PPP6C: variants seen among roughly 807,000 people sequenced by gnomAD.
The protein encoded by PPP6C is protein phosphatase 6 catalytic subunit, also known as serine/threonine-protein phosphatase 6 catalytic subunit.
Under a neutral mutation model 39.8 loss-of-function variants are expected in PPP6C, and 11 were observed. That is an observed-to-expected ratio of 0.28 (90% confidence interval 0.17 to 0.46). PPP6C has a LOEUF of 0.46. Ranked by LOEUF, PPP6C falls within the 20% of genes least tolerant of loss-of-function variation. The probability of loss-of-function intolerance (pLI) is 1.00; values close to 1 mark genes in which losing one functional copy is unlikely to be tolerated. For missense variants in PPP6C, 211 were observed against 373.9 expected, an observed-to-expected ratio of 0.56 and a Z score of 3.59; for synonymous variants, 129 against 130.3, an observed-to-expected ratio of 0.99 and a Z score of 0.07.
intron 2 of PPP6C, 58 bp from the exon 3 acceptor site, chr9:125,160,964 A>C: frequency 8.1e-7 from 1 of 1,227,876 alleles, no homozygotes; most frequent in Non-Finnish European, 1.1e-6. Flanking sequence ...GCAAAGCAAC[A>C]AAACTGAGAG....
At chr9:125,181,324 T>C (rs928618180) in intron 1 of PPP6C, among the ~76,000 whole-genome samples, 1 of 152,072 alleles carries the variant, frequency 6.6e-6, no homozygotes. Flanking sequence ...TTTTTTGTGT[T>C]CTGTTTTCTA....
At chr9:125,164,770 G>A (rs528060776) in intron 2 of PPP6C, among the ~76,000 whole-genome samples, 4 of 151,762 alleles carry the variant, frequency 2.6e-5, no homozygotes, top group Admixed American at 1.3e-4. Context: ...ACGGAGTCTC[G>A]CTCTGTCACC....
At chr9:125,151,628 AC>A in intron 6 of PPP6C, 1 of 669,990 alleles carries the variant, frequency 1.5e-6, no homozygotes. Flanking sequence ...AATAAAATCC[AC>A]CCCACCCCTT....
intron 2 of PPP6C, among the ~76,000 whole-genome samples, chr9:125,164,216 CTCTTTTT>C (rs1828961504): frequency 8.4e-6 from 1 of 119,708 alleles, no homozygotes; most frequent in Non-Finnish European, 1.8e-5. Context: ...CTCCCTCACT[CTCTTTTT>C]TTTTTTTTTT....
chr9:125,177,433 G>A (rs898425975), intron 1 of PPP6C, among the ~76,000 whole-genome samples: 1 of 151,238 alleles, frequency 6.6e-6, no homozygotes, highest in Non-Finnish European at 1.5e-5. Flanking sequence ...ACAGTGGCTC[G>A]CGCCTGTAAT....
chr9:125,180,872 A>G (rs188273362), intron 1 of PPP6C, among the ~76,000 whole-genome samples: 9 of 152,334 alleles, frequency 5.9e-5, no homozygotes, highest in Admixed American at 5.9e-4. Flanking sequence ...ACTGAAGAAC[A>G]TCGCTGTGAA....
Position 125,158,238 on chromosome 9 carries a change from T to C in PPP6C, c.379+3A>G. ...TCAGAATCAGAGAAATAGGAATTCT[T>C]ACCATAAAATCCATAGACCTGTGTT... On this transcript the variant is annotated splice_donor_region_variant and intron_variant, in intron 4 of 6. Transcript: ENST00000373547. The C allele has an allele frequency of 6.3e-7, 1 of 1,595,794 alleles. No individual in the cohort carries two copies. The highest frequency in any genetic ancestry group is 8.6e-7 in the Non-Finnish European group (1 of 1,168,620).
intron 6 of PPP6C, among the ~76,000 whole-genome samples, 160 bp downstream of exon 6, chr9:125,153,373 A>C (rs539053239): frequency 6.6e-6 from 1 of 152,330 alleles, no homozygotes; most frequent in Non-Finnish European, 1.5e-5. Context: ...TTTAACCATT[A>C]AAGAAAGACA....
At chr9:125,162,199 T>C (rs1828892230) in intron 2 of PPP6C, among the ~76,000 whole-genome samples, 3 of 152,016 alleles carry the variant, frequency 2.0e-5, no homozygotes, top group Non-Finnish European at 4.4e-5. Context: ...AGCTCACGCC[T>C]GTAATCCCAG....
At chr9:125,168,399 T>C (rs1829070963) in intron 2 of PPP6C, among the ~76,000 whole-genome samples, 3 of 152,232 alleles carry the variant, frequency 2.0e-5, no homozygotes, top group African/African-American at 4.8e-5. Flanking sequence ...TTTTACATTG[T>C]ATTTAATCAG....
chr9:125,182,041 C>A (rs377261889), intron 1 of PPP6C, among the ~76,000 whole-genome samples: 13 of 152,298 alleles, frequency 8.5e-5, no homozygotes, highest in South Asian at 2.1e-4. Context: ...ATTTGCATTT[C>A]TTTAATGACC....
At chr9:125,174,925 C>G (rs1829264291) in intron 1 of PPP6C, among the ~76,000 whole-genome samples, 1 of 149,024 alleles carries the variant, frequency 6.7e-6, no homozygotes, top group Non-Finnish European at 1.5e-5. Context: ...AAAAGAAAAA[C>G]AGGCCAGGTG....
intron 1 of PPP6C, among the ~76,000 whole-genome samples, chr9:125,181,865 G>A (rs1768639395): frequency 6.6e-6 from 1 of 152,168 alleles, no homozygotes; most frequent in Non-Finnish European, 1.5e-5. Flanking sequence ...CTAGATCCTT[G>A]AGGAATCGCT....
At chr9:125,174,396 G>C (rs1349971560) in intron 1 of PPP6C, among the ~76,000 whole-genome samples, 1 of 152,076 alleles carries the variant, frequency 6.6e-6, no homozygotes, top group African/African-American at 2.4e-5. Flanking sequence ...CAAAAAATCA[G>C]AAAACTTCAA....
In PPP6C at chr9:125,182,327, A is replaced by T. The variant is rs75640750; in HGVS notation, c.75+7317T>A. 8.9e-4 allele frequency among the ~76,000 whole-genome samples: 135 copies of T among 152,210 alleles called. 3 individuals are homozygous for T. The East Asian group carries it at 0.025, about 28-fold the overall frequency. On this transcript the variant is annotated intron_variant, in intron 1 of 6. Transcript: ENST00000373547. ...CTACTTTTACATACTGGTATTTATAAAACACTCTTAGCTTTAAAAAAAAAG... is the reference window on the plus strand; with the variant it reads ...CTACTTTTACATACTGGTATTTATATAACACTCTTAGCTTTAAAAAAAAAG...
intron 1 of PPP6C, chr9:125,188,969 G>A (rs764720443): frequency 1.0e-5 from 16 of 1,538,638 alleles, no homozygotes; most frequent in Admixed American, 2.0e-5. Context: ...AGGGGTTAAG[G>A]AGAAAGTATT....
intron 6 of PPP6C, chr9:125,151,627 C>T (rs1303325133): frequency 4.5e-6 from 3 of 671,700 alleles, no homozygotes; most frequent in South Asian, 1.4e-5. Context: ...GAATAAAATC[C>T]ACCCCACCCC....
intron 1 of PPP6C, among the ~76,000 whole-genome samples, chr9:125,174,384 T>C (rs1261145489): frequency 6.6e-6 from 1 of 152,044 alleles, no homozygotes; most frequent in Non-Finnish European, 1.5e-5. Context: ...CTAAACATTA[T>C]ACAAAAAATC....
intron 1 of PPP6C, among the ~76,000 whole-genome samples, chr9:125,183,961 T>C (rs1829470355): frequency 6.6e-6 from 1 of 152,178 alleles, no homozygotes. Context: ...AGGAACCATG[T>C]AAATAAGTGT....
Sources: gnomAD v4.1 joint callset for allele counts (sites outside exome capture counted in the v4.1 genomes callset) on GRCh38, gnomAD v4.1.1 for gene constraint, MANE v1.5 for transcripts, NCBI Gene and HGNC (gene_info 2026-07-23, HGNC 2026-07-21) for gene names.